Variants in THADA observed in about 807,000 individuals in gnomAD.
THADA encodes the protein THADA armadillo repeat containing.
THADA carries 213 observed loss-of-function variants against 219.8 expected under a neutral mutation model. That is an observed-to-expected ratio of 0.97 (90% CI 0.87 to 1.09). THADA has a LOEUF of 1.09. Ranked by LOEUF, THADA falls within the 50% of genes least tolerant of loss-of-function variation. The probability of loss-of-function intolerance (pLI) is 0.00; values close to 1 mark genes in which losing one functional copy is unlikely to be tolerated. For synonymous variants in THADA, 1,018 were observed against 828.9 expected (o/e 1.23, Z -3.92); for missense variants, 2,956 against 2,311.3 (o/e 1.28, Z -5.72).
rs115866101 is a variant in THADA, at chr2:43,595,031, T to G, written c.-25+900A>C. Among the ~76,000 whole-genome samples the G allele has an allele frequency of 2.6e-3, 394 of 152,356 alleles. 1 individual carries two copies. Among genetic ancestry groups the G allele is most frequent in the African/African-American group, 9.1e-3 (379 of 41,580 alleles). On this transcript the variant is annotated intron_variant, in intron 1 of 37. Transcript: ENST00000405975. Reference sequence around the variant, plus strand: ...AAGGCAGCAACTTTAATCTATTTTGTTCATGTTTCAAGTCTCAATTTCCAA... The same window carrying G: ...AAGGCAGCAACTTTAATCTATTTTGGTCATGTTTCAAGTCTCAATTTCCAA...
At chr2:43,568,399 T>G (rs543248076) in intron 14 of THADA, among the ~76,000 whole-genome samples, 8 of 152,220 alleles carry the variant, frequency 5.3e-5, no homozygotes, top group Non-Finnish European at 1.2e-4. Context: ...CCCACTCTTA[T>G]GATGGTGTGA....
At chr2:43,532,691 C>G (rs1278527222) in intron 21 of THADA, among the ~76,000 whole-genome samples, 1 of 152,114 alleles carries the variant, frequency 6.6e-6, no homozygotes, top group Non-Finnish European at 1.5e-5. Context: ...AAAACCGGCA[C>G]AAGACAAGTA....
At chr2:43,503,193 C>G (rs1689240261) in intron 24 of THADA, among the ~76,000 whole-genome samples, 1 of 152,176 alleles carries the variant, frequency 6.6e-6, no homozygotes, top group African/African-American at 2.4e-5. Context: ...CCCTACAACC[C>G]TGCAATTCTA....
At chr2:43,388,555 C>A (rs1437713575) in intron 29 of THADA, among the ~76,000 whole-genome samples, 2 of 152,140 alleles carry the variant, frequency 1.3e-5, no homozygotes, top group African/African-American at 4.8e-5. Flanking sequence ...ACACTGATTC[C>A]TCAAGTTTCC....
intron 1 of THADA, 96 bp from the exon 2 acceptor site, chr2:43,592,512 C>T (rs1701683894): frequency 1.0e-5 from 7 of 678,882 alleles, no homozygotes; most frequent in Non-Finnish European, 1.8e-5. Context: ...ACAGTATCAT[C>T]CTATGCATTA....
At chr2:43,578,486 A>C in intron 9 of THADA, 27 bp downstream of exon 9, 1 of 1,548,684 alleles carries the variant, frequency 6.5e-7, no homozygotes, top group Non-Finnish European at 8.9e-7. Flanking sequence ...TCAATAAAGT[A>C]CAATTCTAAA....
At chr2:43,541,897 C>G (rs145451488) in intron 20 of THADA, among the ~76,000 whole-genome samples, 1 of 152,060 alleles carries the variant, frequency 6.6e-6, no homozygotes, top group Admixed American at 6.5e-5. Context: ...CAAACTCTGC[C>G]TCTCTGTCAT....
intron 14 of THADA, among the ~76,000 whole-genome samples, chr2:43,568,593 A>G (rs767264351): frequency 6.6e-6 from 1 of 152,236 alleles, no homozygotes; most frequent in Non-Finnish European, 1.5e-5. Flanking sequence ...ATCTCAATCC[A>G]AAAAACAGCT....
intron 36 of THADA, among the ~76,000 whole-genome samples, chr2:43,244,843 T>C (rs1668968303): frequency 6.6e-6 from 1 of 152,202 alleles, no homozygotes; most frequent in African/African-American, 2.4e-5. Flanking sequence ...AGGTGGTAAG[T>C]GCCTTGCACT....
chr2:43,287,415 C>T (rs1674165443), intron 34 of THADA, among the ~76,000 whole-genome samples: 1 of 152,146 alleles, frequency 6.6e-6, no homozygotes, highest in Non-Finnish European at 1.5e-5. Flanking sequence ...TTGCTTCAGC[C>T]TTCCGAGTAG....
At chr2:43,441,347 C>T (rs946439855) in intron 26 of THADA, among the ~76,000 whole-genome samples, 1 of 152,182 alleles carries the variant, frequency 6.6e-6, no homozygotes, top group Non-Finnish European at 1.5e-5. Context: ...GCTCCATGTA[C>T]TCGCCAGGGA....
At chr2:43,347,661 G>A (rs562020282) in intron 29 of THADA, among the ~76,000 whole-genome samples, 56 of 152,204 alleles carry the variant, frequency 3.7e-4, no homozygotes, top group Admixed American at 1.5e-3. Context: ...GTGGGGAGGA[G>A]AAAAATATTT....
At chr2:43,478,456 G>A (rs1428964708) in intron 26 of THADA, among the ~76,000 whole-genome samples, 2 of 152,086 alleles carry the variant, frequency 1.3e-5, no homozygotes, top group East Asian at 3.9e-4. Flanking sequence ...GATAAATGAA[G>A]ACTTTATCTC....
rs184147228 is a variant in THADA, at chr2:43,578,762, C to T, written c.722-155G>A. Among the ~76,000 whole-genome samples the T allele has an allele frequency of 8.4e-3, 1,281 of 152,266 alleles. 67 individuals are homozygous for T. Among genetic ancestry groups the T allele is most frequent in the Admixed American group, 0.074 (1,131 of 15,296 alleles). ...GTCTTACCTAAGTTATTTAACATCC[C>T]ACAGACTCTCTTTTCTCTTGGGTAA... On this transcript the variant is annotated intron_variant, in intron 8 of 37. Transcript: ENST00000405975.
intron 17 of THADA, among the ~76,000 whole-genome samples, chr2:43,554,061 G>T (rs901348183): frequency 1.3e-5 from 2 of 152,028 alleles, no homozygotes; most frequent in Admixed American, 1.3e-4. Flanking sequence ...CATTTTTCAG[G>T]CTTTTTCAAT....
chr2:43,360,815 C>T (rs898736210), intron 29 of THADA, among the ~76,000 whole-genome samples: 5 of 152,124 alleles, frequency 3.3e-5, no homozygotes, highest in African/African-American at 1.2e-4. Flanking sequence ...TAAAGAAGTC[C>T]TTTTAGCCAA....
At chr2:43,344,797 G>A (rs945676882) in intron 29 of THADA, among the ~76,000 whole-genome samples, 2 of 148,426 alleles carry the variant, frequency 1.3e-5, no homozygotes, top group African/African-American at 5.1e-5. Flanking sequence ...TCTTCCCTTC[G>A]ATGTCAGGAG....
At chr2:43,593,592 T>C (rs1701809753) in intron 1 of THADA, among the ~76,000 whole-genome samples, 1 of 151,088 alleles carries the variant, frequency 6.6e-6, no homozygotes. Context: ...TAGACTGTTT[T>C]GGAGAAAAAG....
chr2:43,577,855 G>A (rs1451306384), intron 9 of THADA, among the ~76,000 whole-genome samples: 2 of 151,846 alleles, frequency 1.3e-5, no homozygotes, highest in African/African-American at 4.8e-5. Context: ...TTATTACTGT[G>A]TATATATCTA....
Sources: allele counts gnomAD v4.1 joint callset (sites outside exome capture counted in the v4.1 genomes callset), GRCh38; gene constraint gnomAD v4.1.1; transcripts MANE v1.5; gene names NCBI Gene and HGNC (gene_info 2026-07-23, HGNC 2026-07-21).